Variants in DPH6 observed in about 807,000 individuals in gnomAD.
DPH6 encodes diphthine--ammonia ligase.
A neutral mutation model predicts 38.2 loss-of-function variants in DPH6; 33 were observed. The observed-to-expected ratio is 0.86, with a 90% CI of 0.65 to 1.15. DPH6 has a LOEUF of 1.15. DPH6 is among the 50% of genes most tolerant of loss of function. DPH6 has a pLI of 0.00. For synonymous variants in DPH6, 108 were observed against 103.0 expected, an observed-to-expected ratio of 1.05 and a Z score of -0.30; for missense variants, 325 against 320.0, an observed-to-expected ratio of 1.02 and a Z score of -0.12.
intron 3 of DPH6, among the ~76,000 whole-genome samples, chr15:35,342,843 G>A (rs1030293629): frequency 6.6e-6 from 1 of 151,926 alleles, no homozygotes; most frequent in African/African-American, 2.4e-5. Context: ...TTAATTCATG[G>A]GTTATCTTAT....
chr15:35,454,167 T>C (rs575177154), intron 4 of DPH6, among the ~76,000 whole-genome samples: 31 of 152,244 alleles, frequency 2.0e-4, no homozygotes, highest in African/African-American at 6.3e-4. Context: ...ACCGTTTTGG[T>C]ATGTGCAGTT....
intron 3 of DPH6, among the ~76,000 whole-genome samples, chr15:35,263,418 T>C (rs944238204): frequency 1.4e-5 from 2 of 148,134 alleles, no homozygotes; most frequent in African/African-American, 2.5e-5. Context: ...TTTTTTTTTT[T>C]TTTTAGAGAC....
At chr15:35,471,952 A>G (rs1253814059) in intron 3 of DPH6, among the ~76,000 whole-genome samples, 1 of 152,118 alleles carries the variant, frequency 6.6e-6, no homozygotes, top group Non-Finnish European at 1.5e-5. Context: ...GGGCCCTACA[A>G]TAAATGTAAA....
intron 3 of DPH6, among the ~76,000 whole-genome samples, chr15:35,313,286 GT>G (rs371810348): frequency 2.0e-5 from 3 of 147,100 alleles, no homozygotes; most frequent in African/African-American, 7.5e-5. Context: ...CTCTAGCTTT[GT>G]TCTTTTGGCT....
At chr15:35,544,631 T>C (rs2055316470) in intron 1 of DPH6, among the ~76,000 whole-genome samples, 1 of 152,248 alleles carries the variant, frequency 6.6e-6, no homozygotes, top group Admixed American at 6.5e-5. Context: ...ATCTGTATCA[T>C]AAGCATACAG....
chr15:35,147,243 C>G, the DPH6 span, among the ~76,000 whole-genome samples: 1 of 152,150 alleles, frequency 6.6e-6, no homozygotes, highest in African/African-American at 2.4e-5. Context: ...TGCCCAAAGT[C>G]TTGTAGCTCT....
At chr15:35,452,817 G>A (rs1050289745) in intron 4 of DPH6, among the ~76,000 whole-genome samples, 1 of 152,158 alleles carries the variant, frequency 6.6e-6, no homozygotes, top group South Asian at 2.1e-4. Context: ...GATTTACAGA[G>A]TAAGTTTATT....
chr15:35,289,952 A>T (rs2140444682), intron 3 of DPH6, among the ~76,000 whole-genome samples: 1 of 152,302 alleles, frequency 6.6e-6, no homozygotes, highest in East Asian at 1.9e-4. Context: ...CTACCTGGAA[A>T]CTATATTGTA....
chr15:35,216,609 T>A (rs1406940001), downstream of DPH6, among the ~76,000 whole-genome samples: 2 of 152,246 alleles, frequency 1.3e-5, no homozygotes, highest in African/African-American at 4.8e-5. Flanking sequence ...AAACTAATTA[T>A]GGTCATTTAC....
chr15:35,149,394 C>A, the DPH6 span, among the ~76,000 whole-genome samples: 1 of 152,116 alleles, frequency 6.6e-6, no homozygotes, highest in African/African-American at 2.4e-5. Flanking sequence ...CCCACTACTA[C>A]GCCCAGCTAA....
chr15:35,306,669 C>T (rs2052094497), intron 3 of DPH6, among the ~76,000 whole-genome samples: 1 of 152,238 alleles, frequency 6.6e-6, no homozygotes, highest in Non-Finnish European at 1.5e-5. Flanking sequence ...CATAACCTCC[C>T]ATTCTGAGGC....
chr15:35,436,504 C>CAAAAAAAAAAAA (rs371533654), intron 5 of DPH6, among the ~76,000 whole-genome samples: 1 of 108,216 alleles, frequency 9.2e-6, no homozygotes. Context: ...CAAAACAAAA[C>CAAAAAAAAAAAA]AAAACAAAAC....
chr15:35,449,663 C>T (rs368983772), intron 5 of DPH6, among the ~76,000 whole-genome samples: 96,203 of 151,868 alleles, frequency 0.63, 34,661 homozygotes, highest in South Asian at 0.84. Flanking sequence ...ATGAGAGCTG[C>T]TCAGCAACCT....
At chr15:35,410,558 T>C (rs1027594878) in intron 6 of DPH6, among the ~76,000 whole-genome samples, 4 of 151,790 alleles carry the variant, frequency 2.6e-5, no homozygotes, top group Admixed American at 2.6e-4. Context: ...GCACATTTTA[T>C]ATAGAATACG....
intron 5 of DPH6, among the ~76,000 whole-genome samples, chr15:35,437,009 GGTGTACGTGGGTAACAGCA>G (rs2053725219): frequency 6.7e-6 from 1 of 149,866 alleles, no homozygotes; most frequent in African/African-American, 2.4e-5. Flanking sequence ...GGGGAGACAG[GGTGTACGTGGGTAACAGCA>G]GATAATCCCA....
intron 3 of DPH6, among the ~76,000 whole-genome samples, chr15:35,304,304 T>C (rs988489861): frequency 1.3e-5 from 2 of 152,110 alleles, no homozygotes; most frequent in African/African-American, 4.8e-5. Flanking sequence ...TCCTTTCCAA[T>C]ACATTACCTT....
chr15:35,510,373 G>C (rs2054752877), intron 3 of DPH6, among the ~76,000 whole-genome samples: 1 of 151,978 alleles, frequency 6.6e-6, no homozygotes. Context: ...CTTTATTGCT[G>C]GAAGCTCTGT....
intron 6 of DPH6, among the ~76,000 whole-genome samples, chr15:35,405,615 GT>G (rs2053281722): frequency 6.6e-6 from 1 of 152,056 alleles, no homozygotes; most frequent in African/African-American, 2.4e-5. Flanking sequence ...GTCTCTTTAG[GT>G]TTTTTGAAAT....
intron 3 of DPH6, among the ~76,000 whole-genome samples, chr15:35,272,472 G>C (rs2051828818): frequency 6.6e-6 from 1 of 152,138 alleles, no homozygotes; most frequent in African/African-American, 2.4e-5. Flanking sequence ...GAAATCTCAT[G>C]TTGAAATGTA....
Sources: allele counts gnomAD v4.1 joint callset (sites outside exome capture counted in the v4.1 genomes callset), GRCh38; gene constraint gnomAD v4.1.1; transcripts MANE v1.5; gene names NCBI Gene and HGNC (gene_info 2026-07-23, HGNC 2026-07-21).